The following ABCG1 variants were observed in gnomAD, a reference collection of about 807,000 sequenced individuals.
ABCG1 encodes ATP-binding cassette sub-family G member 1.
A neutral mutation model predicts 69.2 loss-of-function variants in ABCG1; 29 were observed. That is an observed-to-expected ratio of 0.42 (90% CI 0.31 to 0.57). The LOEUF (loss-of-function observed/expected upper bound fraction) is 0.57, where lower values mean the gene tolerates loss of function less well. Ranked by LOEUF, ABCG1 falls within the 20% of genes least tolerant of loss-of-function variation. The pLI, the probability that ABCG1 is intolerant of heterozygous loss-of-function variation, is 0.15. For synonymous variants in ABCG1, 370 were observed against 374.8 expected (o/e 0.99, Z 0.15); for missense variants, 718 against 898.1 (o/e 0.80, Z 2.56).
intron 2 of ABCG1, among the ~76,000 whole-genome samples, chr21:42,233,339 C>T (rs145819986): frequency 7.2e-4 from 110 of 152,258 alleles, no homozygotes; most frequent in African/African-American, 2.5e-3. Context: ...GTCGTGCTGC[C>T]GTAGCCCGCC....
At chr21:42,211,725 CAAA>C, upstream of ABCG1, among the ~76,000 whole-genome samples, 1 of 137,712 alleles carries the variant, frequency 7.3e-6, no homozygotes, top group Non-Finnish European at 1.6e-5. Context: ...ACTAAAAATA[CAAA>C]AAAAAAAAAA....
upstream of ABCG1, among the ~76,000 whole-genome samples, chr21:42,212,434 G>T (rs546632532): frequency 6.6e-6 from 1 of 152,270 alleles, no homozygotes; most frequent in African/African-American, 2.4e-5. Flanking sequence ...GCTGATAGAA[G>T]TATGGATGGT....
In ABCG1 at chr21:42,293,391, AC is replaced by A. The variant is rs1409363014; in HGVS notation, c.1654-1150del. On this transcript the variant is annotated intron_variant, in intron 13 of 14. Coordinates refer to ENST00000398449, the MANE Select transcript of ABCG1 (RefSeq NM_016818.3). ...CACCACACTACACACTACACACCACACATACTACACACCACGCACTACACAC... is the reference window on the plus strand; with the variant it reads ...CACCACACTACACACTACACACCACAATACTACACACCACGCACTACACAC... 2.1e-4 allele frequency among the ~76,000 whole-genome samples: 30 copies of A among 145,066 alleles called. 2 individuals carry two copies. Among genetic ancestry groups the A allele is most frequent in the Admixed American group, 1.8e-3 (26 of 14,594 alleles).
At chr21:42,228,259 G>GC (rs2067848960) in intron 2 of ABCG1, among the ~76,000 whole-genome samples, 1 of 152,152 alleles carries the variant, frequency 6.6e-6, no homozygotes, top group South Asian at 2.1e-4. Context: ...GGCCGCCGAG[G>GC]GACCTGCCCA....
chr21:42,273,476 C>A lies in ABCG1; in HGVS notation c.537+41C>A. On this transcript the variant is annotated intron_variant, in intron 4 of 14. Transcript: ENST00000398449. The surrounding 1 kb of genome is among the most constrained non-coding windows in gnomAD (Gnocchi z 5.3). ...CCCCGCCCCACTCCGCCCCTGCCGC[C>A]TGTCCCCAGCGCCCACATTAGACAC... 1.3e-6 allele frequency: 2 copies of A among 1,590,670 alleles called. No homozygotes were observed. Among genetic ancestry groups the A allele is most frequent in the Non-Finnish European group, 1.7e-6 (2 of 1,167,172 alleles).
intron 2 of ABCG1, among the ~76,000 whole-genome samples, chr21:42,268,386 T>TGCGCGCGC (rs1411173636): frequency 1.4e-5 from 2 of 142,840 alleles, no homozygotes; most frequent in African/African-American, 5.6e-5. Flanking sequence ...TGTGTGTGTG[T>TGCGCGCGC]GTGCGCGCGC....
chr21:42,228,998 A>G (rs959497734), intron 2 of ABCG1, among the ~76,000 whole-genome samples: 2 of 152,102 alleles, frequency 1.3e-5, no homozygotes, highest in African/African-American at 4.8e-5. Context: ...ACGGGTCGCC[A>G]CCCTCCTGGT....
chr21:42,226,478 A>G (rs2067818884), intron 2 of ABCG1, among the ~76,000 whole-genome samples: 1 of 152,244 alleles, frequency 6.6e-6, no homozygotes, highest in Non-Finnish European at 1.5e-5. Context: ...AGAGCTCAGG[A>G]GGTGTCTGGA....
chr21:42,283,654 C>T (rs113382575), intron 6 of ABCG1, among the ~76,000 whole-genome samples: 67 of 147,492 alleles, frequency 4.5e-4, no homozygotes, highest in African/African-American at 1.5e-3. Context: ...TGTGAAGTCC[C>T]CCCCCACCCA....
chr21:42,221,621 T>C (rs1239729153), intron 1 of ABCG1, among the ~76,000 whole-genome samples: 1 of 152,216 alleles, frequency 6.6e-6, no homozygotes, highest in East Asian at 1.9e-4. Context: ...ATGCCTTTGG[T>C]ATTTTCTTCT....
In ABCG1 at chr21:42,294,592, G is replaced by T; in HGVS notation, c.1704G>T (p.Ser568=). Residue 568 remains serine, a synonymous_variant, in exon 14 of 15, where the codon TCG becomes TCT. Coordinates refer to ENST00000398449, the MANE Select transcript of ABCG1 (RefSeq NM_016818.3). ...CAGCCATCCCGGTGCTCCTGTTCTCGGGGTTCTTCGTCAGCTTCGACACCA... is the reference window on the plus strand; with the variant it reads ...CAGCCATCCCGGTGCTCCTGTTCTCTGGGTTCTTCGTCAGCTTCGACACCA... ...PVTAIPVLLF[S]GFFVSFDTIP... 6.2e-7 allele frequency: 1 copy of T among 1,614,160 alleles called. No homozygotes were observed. Among genetic ancestry groups the T allele is most frequent in the Admixed American group, 1.7e-5 (1 of 60,026 alleles).
intron 2 of ABCG1, chr21:42,260,223 G>A (rs2068383208): frequency 1.9e-6 from 3 of 1,540,270 alleles, no homozygotes; most frequent in African/African-American, 1.4e-5. Flanking sequence ...CTTCAACCCT[G>A]CAGGTGGCAT....
intron 2 of ABCG1, among the ~76,000 whole-genome samples, chr21:42,265,207 T>G (rs922023532): frequency 2.0e-5 from 3 of 152,180 alleles, no homozygotes; most frequent in African/African-American, 7.2e-5. Flanking sequence ...ACAGGTCAGT[T>G]TCCTCCTGGA....
At chr21:42,224,020 C>T (rs1403505732) in intron 1 of ABCG1, among the ~76,000 whole-genome samples, 2 of 152,190 alleles carry the variant, frequency 1.3e-5, no homozygotes, top group African/African-American at 4.8e-5. Flanking sequence ...TAGGACTTAC[C>T]CTCAACTGCA....
At position 42,219,239 on chromosome 21, in the gene ABCG1, C is replaced by G; in HGVS notation, c.-24C>G. 1.3e-6 allele frequency: 2 copies of G among 1,524,716 alleles called. No individual in the cohort carries two copies. The highest frequency in any genetic ancestry group is 1.8e-6 in the Non-Finnish European group (2 of 1,142,764). 94.4% of individuals were successfully genotyped at this position (1,524,716 alleles called of 1,614,324 possible). ...GCCTCGTCCCCGCCGCCGCCGCCGC[C>G]GCCGCCGCCGCCGCCCCCGGGGCAT... On this transcript the variant is annotated 5_prime_UTR_variant, in exon 1 of 15. Coordinates refer to ENST00000398449, the MANE Select transcript of ABCG1 (RefSeq NM_016818.3). This position sits in a 1 kb window ranked among gnomAD's most constrained non-coding sequence, Gnocchi z 5.3.
intron 2 of ABCG1, among the ~76,000 whole-genome samples, chr21:42,247,577 A>G (rs989539487): frequency 5.9e-5 from 9 of 151,854 alleles, no homozygotes; most frequent in African/African-American, 1.5e-4. Flanking sequence ...ACTGGTGACT[A>G]TGGTGTAGTG....
rs1415313360 is a variant in ABCG1, at chr21:42,296,127, G to A, written c.1773-37G>A. ...TTCAGCCAACGGCGTGGCTGGCTGG[G>A]AGAACGTCCTCCCTCATGCCTGGCC... On this transcript the variant is annotated intron_variant, in intron 14 of 14. Transcript: ENST00000398449. The surrounding 1 kb of genome is among the most constrained non-coding windows in gnomAD (Gnocchi z 5.4). 6.3e-6 allele frequency: 10 copies of A among 1,576,930 alleles called. No homozygotes were observed. The highest frequency in any genetic ancestry group is 8.7e-6 in the Non-Finnish European group (10 of 1,146,716).
At chr21:42,258,367 A>C (rs1391562488) in intron 2 of ABCG1, among the ~76,000 whole-genome samples, 2 of 118,384 alleles carry the variant, frequency 1.7e-5, no homozygotes, top group Admixed American at 8.9e-5. Context: ...TCCTCCCTCC[A>C]TCCCTCTTTC....
intron 5 of ABCG1, among the ~76,000 whole-genome samples, chr21:42,281,617 G>C (rs1014532335): frequency 1.3e-5 from 2 of 152,126 alleles, no homozygotes; most frequent in African/African-American, 4.8e-5. Flanking sequence ...TTGCCTTCCT[G>C]GCACCTCAGA....
Sources: allele counts gnomAD v4.1 joint callset (sites outside exome capture counted in the v4.1 genomes callset), GRCh38; gene constraint gnomAD v4.1.1; non-coding constraint Gnocchi (gnomAD v3.1); transcripts MANE v1.5; gene names NCBI Gene and HGNC (gene_info 2026-07-23, HGNC 2026-07-21).